Variants in HEMK2 observed in about 807,000 individuals in gnomAD.
HEMK2 encodes methyltransferase HEMK2.
the HEMK2 span, among the ~76,000 whole-genome samples, chr21:28,797,569 C>T: frequency 6.6e-6 from 1 of 151,760 alleles, no homozygotes; most frequent in Non-Finnish European, 1.5e-5. Context: ...GAGTGGACAT[C>T]GTGCCACTGT....
At chr21:28,626,798 T>C in the HEMK2 span, 1 of 152,180 alleles carries the variant, frequency 6.6e-6, no homozygotes, top group Non-Finnish European at 1.5e-5. Context: ...AGGTCACTAA[T>C]AATCAGAGAA....
chr21:28,741,077 C>T, the HEMK2 span, among the ~76,000 whole-genome samples: 8 of 152,134 alleles, frequency 5.3e-5, no homozygotes, highest in African/African-American at 1.7e-4. Context: ...CATTTTCATG[C>T]TCACCAAGCC....
the HEMK2 span, among the ~76,000 whole-genome samples, chr21:28,677,806 G>C: frequency 6.6e-6 from 1 of 152,338 alleles, no homozygotes; most frequent in East Asian, 1.9e-4. Flanking sequence ...TGGACCTCCA[G>C]CAAACTCCAA....
chr21:28,652,991 G>C, the HEMK2 span, among the ~76,000 whole-genome samples: 1 of 152,094 alleles, frequency 6.6e-6, no homozygotes, highest in African/African-American at 2.4e-5. Flanking sequence ...AGAAAGTTCT[G>C]AATCACCCAC....
the HEMK2 span, among the ~76,000 whole-genome samples, chr21:28,717,035 G>A: frequency 6.6e-6 from 1 of 152,166 alleles, no homozygotes; most frequent in Admixed American, 6.5e-5. Context: ...TTTTGTTGAG[G>A]ATTTTTGCAT....
the HEMK2 span, among the ~76,000 whole-genome samples, chr21:28,709,552 C>G: frequency 3.4e-4 from 52 of 152,214 alleles, no homozygotes; most frequent in African/African-American, 1.1e-3. Flanking sequence ...TTTCTTATAT[C>G]CTTATTTATA....
the HEMK2 span, among the ~76,000 whole-genome samples, chr21:28,652,377 G>T: frequency 6.6e-6 from 1 of 152,098 alleles, no homozygotes; most frequent in African/African-American, 2.4e-5. Flanking sequence ...TTGGAAAGAA[G>T]GGCTTATAGT....
chr21:28,661,828 ATATTT>A, the HEMK2 span, among the ~76,000 whole-genome samples: 1 of 152,132 alleles, frequency 6.6e-6, no homozygotes, highest in Admixed American at 6.6e-5. Flanking sequence ...AACAGTTTTT[ATATTT>A]TATTTATGTT....
the HEMK2 span, chr21:28,743,267 ATTCCTAAAAGTG>A: frequency 6.6e-6 from 1 of 152,218 alleles, no homozygotes; most frequent in Non-Finnish European, 1.5e-5. Flanking sequence ...TGACATGCAC[ATTCCTAAAAGTG>A]TTCCGTGTTT....
the HEMK2 span, among the ~76,000 whole-genome samples, chr21:28,736,720 G>T: frequency 6.6e-6 from 1 of 151,736 alleles, no homozygotes; most frequent in Non-Finnish European, 1.5e-5. Flanking sequence ...AGTTGATATC[G>T]TGTCACTGCA....
chr21:28,858,553 A>G, the HEMK2 span, among the ~76,000 whole-genome samples: 35 of 150,406 alleles, frequency 2.3e-4, 1 homozygote, highest in African/African-American at 7.1e-4. Flanking sequence ...GGAAGGAGGG[A>G]GGGAGGAAAG....
At chr21:28,784,192 G>C in the HEMK2 span, among the ~76,000 whole-genome samples, 1 of 152,256 alleles carries the variant, frequency 6.6e-6, no homozygotes, top group African/African-American at 2.4e-5. Flanking sequence ...CCCGGTGTAG[G>C]ATCCACTAGG....
chr21:28,771,963 TAAAAG>T, the HEMK2 span, among the ~76,000 whole-genome samples: 1 of 143,978 alleles, frequency 6.9e-6, no homozygotes, highest in African/African-American at 2.5e-5. Flanking sequence ...TGAGAAATCT[TAAAAG>T]AAAAAAAAAA....
the HEMK2 span, among the ~76,000 whole-genome samples, chr21:28,814,119 C>T: frequency 8.5e-5 from 13 of 152,066 alleles, no homozygotes. Context: ...CGCCTGTAGT[C>T]CCAGCTACTT....
the HEMK2 span, among the ~76,000 whole-genome samples, chr21:28,796,828 C>T: frequency 0.016 from 2,461 of 152,278 alleles, 33 homozygotes; most frequent in Non-Finnish European, 0.028. Context: ...CCTTAGCCTC[C>T]CAAAGTGCTG....
chr21:28,677,671 C>T, the HEMK2 span, among the ~76,000 whole-genome samples: 44 of 152,186 alleles, frequency 2.9e-4, no homozygotes, highest in Non-Finnish European at 5.0e-4. Context: ...TGACACCTCA[C>T]ACGGCTGGGT....
At chr21:28,848,243 C>T in the HEMK2 span, among the ~76,000 whole-genome samples, 3 of 152,128 alleles carry the variant, frequency 2.0e-5, no homozygotes, top group Non-Finnish European at 4.4e-5. Context: ...TTGATTCTTC[C>T]TATCCATGAG....
At chr21:28,816,759 T>G in the HEMK2 span, among the ~76,000 whole-genome samples, 1 of 152,178 alleles carries the variant, frequency 6.6e-6, no homozygotes, top group African/African-American at 2.4e-5. Context: ...AGCTAAGCAA[T>G]TCTCCTAAAA....
At chr21:28,635,236 G>T in the HEMK2 span, among the ~76,000 whole-genome samples, 11 of 151,760 alleles carry the variant, frequency 7.2e-5, no homozygotes, top group Non-Finnish European at 4.4e-5. Flanking sequence ...CAAGCTAGCT[G>T]GCATTACGGG....
Sources: gnomAD v4.1 joint callset for allele counts (sites outside exome capture counted in the v4.1 genomes callset) on GRCh38, gnomAD v4.1.1 for gene constraint, MANE v1.5 for transcripts, NCBI Gene and HGNC (gene_info 2026-07-23, HGNC 2026-07-21) for gene names.